FAT4: variants seen among roughly 807,000 people sequenced by gnomAD.
FAT4 encodes the protein protocadherin Fat 4.
A neutral mutation model predicts 303.9 loss-of-function variants in FAT4; 84 were observed. That is an observed-to-expected ratio of 0.28 (90% CI 0.23 to 0.33). FAT4 has a LOEUF of 0.33. Ranked by LOEUF, FAT4 falls within the 10% of genes least tolerant of loss-of-function variation. The probability of loss-of-function intolerance (pLI) is 1.00; values close to 1 mark genes in which losing one functional copy is unlikely to be tolerated. For missense variants in FAT4, 6,005 were observed against 6,146.8 expected, an observed-to-expected ratio of 0.98 and a Z score of 0.77; for synonymous variants, 2,307 against 2,298.8, an observed-to-expected ratio of 1.00 and a Z score of -0.10.
Position 125,415,674 on chromosome 4 carries a change from A to C in FAT4, c.6711A>C (p.Thr2237=). The C allele has an allele frequency of 6.2e-7, 1 of 1,613,994 alleles. No individual in the cohort carries two copies. The highest frequency in any genetic ancestry group is 8.5e-7 in the Non-Finnish European group (1 of 1,179,952). ...TTCAGGCAACAGATCGAGGCAGCAC[A>C]CCCAGAACTGATACCTCCACGGTCA... ...LTVQATDRGS[T]PRTDTSTVSI... Residue 2237 remains threonine (T), a synonymous_variant, in exon 6 of 18, where the codon ACA becomes ACC. Transcript: ENST00000394329.
chr4:125,336,467 A>G (rs1309255727), intron 2 of FAT4, among the ~76,000 whole-genome samples: 1 of 152,074 alleles, frequency 6.6e-6, no homozygotes, highest in Non-Finnish European at 1.5e-5. Flanking sequence ...AACGAATAAA[A>G]ATATAACCTT....
chr4:125,425,754 G>GTTA (rs576620877), intron 7 of FAT4, among the ~76,000 whole-genome samples: 31 of 152,072 alleles, frequency 2.0e-4, no homozygotes, highest in Non-Finnish European at 4.1e-4. Flanking sequence ...AATTAAATAT[G>GTTA]TTATCCTTTA....
intron 2 of FAT4, among the ~76,000 whole-genome samples, chr4:125,324,868 T>C (rs1280653196): frequency 6.6e-6 from 1 of 152,172 alleles, no homozygotes; most frequent in Non-Finnish European, 1.5e-5. Flanking sequence ...AACTACATTA[T>C]ATTTTAAATA....
chr4:125,434,425 G>A lies in FAT4; in HGVS notation c.7199G>A (p.Ser2400Asn). The change falls in exon 8 of 18, where the codon AGT (serine) becomes AAT (asparagine). Residue 2400 changes from serine (S) to asparagine (N), a missense_variant and splice_region_variant. By Grantham distance (46) the Ser-to-Asn change is conservative (BLOSUM62 1). Transcript: ENST00000394329. ...DADASKNAVI[S>N]YRIIGGNSQF... is the part of the protein sequence containing the mutation. ...GATGCTTCAAAGAATGCAGTTATAAGGTCAGTACATTTTCCTTTGTAAAGT... is the reference window on the plus strand; with the variant it reads ...GATGCTTCAAAGAATGCAGTTATAAAGTCAGTACATTTTCCTTTGTAAAGT... The A allele has an allele frequency of 6.2e-7, 1 of 1,613,472 alleles. No homozygotes were observed.
chr4:125,444,274 T>C (rs1260482178), intron 8 of FAT4, among the ~76,000 whole-genome samples: 1 of 151,988 alleles, frequency 6.6e-6, no homozygotes, highest in Admixed American at 6.6e-5. Context: ...TTTTGGTGAG[T>C]GCTTCCTGTG....
intron 2 of FAT4, among the ~76,000 whole-genome samples, chr4:125,366,964 A>G (rs1039304040): frequency 6.6e-6 from 1 of 151,864 alleles, no homozygotes; most frequent in African/African-American, 2.4e-5. Flanking sequence ...TTTTATGTGT[A>G]AATGTGTTTA....
intron 2 of FAT4, among the ~76,000 whole-genome samples, chr4:125,389,394 G>C (rs1733890030): frequency 6.6e-6 from 1 of 151,936 alleles, no homozygotes; most frequent in African/African-American, 2.4e-5. Context: ...ATGGCCTTTA[G>C]TATGCATGAT....
At chr4:125,381,634 G>A (rs543059235) in intron 2 of FAT4, among the ~76,000 whole-genome samples, 1 of 152,312 alleles carries the variant, frequency 6.6e-6, no homozygotes, top group South Asian at 2.1e-4. Flanking sequence ...GTTGATGGCT[G>A]CTGACTGATC....
chr4:125,446,646 C>A (rs554642686), intron 9 of FAT4, 103 bp downstream of exon 9: 3 of 1,192,452 alleles, frequency 2.5e-6, no homozygotes, highest in South Asian at 2.3e-5. Context: ...TCTGATATAG[C>A]CTAATTTTGC....
intron 2 of FAT4, among the ~76,000 whole-genome samples, chr4:125,326,965 C>T (rs1027685723): frequency 3.9e-5 from 6 of 152,122 alleles, no homozygotes; most frequent in African/African-American, 1.4e-4. Flanking sequence ...GCAGAGGCTG[C>T]AGTGAGCTGA....
At chr4:125,487,195 CA>C in intron 16 of FAT4, 149 bp from the exon 17 acceptor site, 2 of 597,850 alleles carry the variant, frequency 3.3e-6, no homozygotes, top group South Asian at 6.9e-5. Context: ...AAATTAGAGA[CA>C]AAGTGTGTAA....
At chr4:125,401,483 T>G (rs1473486162) in intron 3 of FAT4, among the ~76,000 whole-genome samples, 7 of 151,994 alleles carry the variant, frequency 4.6e-5, no homozygotes, top group Non-Finnish European at 8.8e-5. Flanking sequence ...CTCGAGATTA[T>G]GTAGGTCATC....
intron 7 of FAT4, among the ~76,000 whole-genome samples, chr4:125,430,386 A>C (rs952133767): frequency 1.3e-5 from 2 of 152,062 alleles, no homozygotes; most frequent in Non-Finnish European, 2.9e-5. Context: ...GCTGATTTGG[A>C]GGTTATGCTA....
In FAT4 at chr4:125,424,406, A is replaced by C. The variant is rs533543866; in HGVS notation, c.7018+7784A>C. Among the ~76,000 whole-genome samples the C allele has an allele frequency of 1.3e-3, 198 of 152,242 alleles. 1 individual carries two copies. The highest frequency in any genetic ancestry group is 3.4e-3 in the Middle Eastern group (1 of 294). ...CTCTCCTGCTGCCTTGTGAATAAGG[A>C]CATGTTTGCTTCTGATTCTGCCACG... On this transcript the variant is annotated intron_variant, in intron 7 of 17. Coordinates refer to ENST00000394329, the MANE Select transcript of FAT4 (RefSeq NM_001291303.3).
intron 2 of FAT4, among the ~76,000 whole-genome samples, chr4:125,322,311 T>A (rs2663264): frequency 1.3e-5 from 2 of 151,912 alleles, no homozygotes; most frequent in Non-Finnish European, 2.9e-5. Context: ...ATAGATACAC[T>A]CTGTTCTGTT....
rs377051363 is a variant in FAT4 at position 125,477,236 on chromosome 4, G to A, written c.12381G>A (p.Val4127=). ...CAATCCTTCAGAGAAGAGGACACGT[G>A]GAAAGCCATGATTTTGTTGGGTGTA... is the stretch of plus-strand genomic sequence containing the variant. The part of the protein sequence containing the change: ...LEPILQRRGH[V]ESHDFVGCIM... The change falls in exon 14 of 18, where the codon GTG becomes GTA. Residue 4127 remains valine (V), a synonymous_variant. Coordinates refer to ENST00000394329, the MANE Select transcript of FAT4 (RefSeq NM_001291303.3). 5.2e-5 allele frequency: 80 copies of A among 1,552,328 alleles called. No individual in the cohort carries two copies. Among genetic ancestry groups the A allele is most frequent in the Non-Finnish European group, 6.8e-5 (78 of 1,145,842 alleles).
intron 7 of FAT4, among the ~76,000 whole-genome samples, chr4:125,416,926 A>G (rs1314955868): frequency 6.6e-6 from 1 of 152,182 alleles, no homozygotes; most frequent in Non-Finnish European, 1.5e-5. Flanking sequence ...AGCCTGGGCA[A>G]CAAGAACGAA....
chr4:125,315,688 C>A lies in FAT4; in HGVS notation c.-302C>A, dbSNP rs890598068. Among the ~76,000 whole-genome samples the A allele has an allele frequency of 3.3e-5, 5 of 152,168 alleles. No homozygotes were observed. The highest frequency in any genetic ancestry group is 1.2e-4 in the African/African-American group (5 of 41,462). ...GCGGCGGCTGCAGGAGGGGAAGGGG[C>A]AGAGTTGAGCGCTCCCGGGTACGGG... On this transcript the variant is annotated 5_prime_UTR_variant, in exon 1 of 18. Coordinates refer to ENST00000394329, the MANE Select transcript of FAT4 (RefSeq NM_001291303.3).
At chr4:125,446,865 G>A (rs534189801) in intron 9 of FAT4, among the ~76,000 whole-genome samples, 6 of 151,900 alleles carry the variant, frequency 3.9e-5, no homozygotes, top group Non-Finnish European at 7.4e-5. Context: ...GTATAACTTT[G>A]TGTAAGTTTG....
Sources: allele counts gnomAD v4.1 joint callset (sites outside exome capture counted in the v4.1 genomes callset), GRCh38; gene constraint gnomAD v4.1.1; transcripts MANE v1.5; gene names NCBI Gene and HGNC (gene_info 2026-07-23, HGNC 2026-07-21).